LRIT3: variants seen among roughly 807,000 people sequenced by gnomAD.
LRIT3 encodes leucine rich repeat, Ig-like and transmembrane domains 3, also known as leucine-rich repeat, immunoglobulin-like domain and transmembrane domain-containing protein 3.
A neutral mutation model predicts 22.6 loss-of-function variants in LRIT3; 14 were observed. The observed-to-expected ratio is 0.62, with a 90% CI of 0.41 to 0.97. LRIT3 has a LOEUF of 0.97. Ranked by LOEUF, LRIT3 falls within the 50% of genes least tolerant of loss-of-function variation. LRIT3 has a pLI of 0.00. For synonymous variants in LRIT3, 306 were observed against 304.5 expected, an observed-to-expected ratio of 1.01 and a Z score of -0.05; for missense variants, 783 against 803.0, an observed-to-expected ratio of 0.98 and a Z score of 0.30.
rs1197499009 is a variant in LRIT3 at position 109,871,089 on chromosome 4, C to A, written c.*300C>A. On this transcript the variant is annotated 3_prime_UTR_variant, in exon 4 of 4. Coordinates refer to ENST00000594814, the MANE Select transcript of LRIT3 (RefSeq NM_198506.5). ...TAAAAATAAGTTCATGTGAAAGTAG[C>A]AAGTGAACTCTGTATTTAAAAATAT... 8.6e-6 allele frequency: 2 copies of A among 233,276 alleles called. No individual in the cohort carries two copies. The highest frequency in any genetic ancestry group is 1.6e-5 in the Non-Finnish European group (2 of 122,228). The allele number at this position is 233,276 out of a possible 1,614,324, so 14.5% of individuals were successfully genotyped here.
In LRIT3 at chr4:109,866,178, A is replaced by G. The variant is rs142296254; in HGVS notation, c.590-1463A>G. On this transcript the variant is annotated intron_variant, in intron 2 of 3. Transcript: ENST00000594814. Reference sequence around the variant, plus strand: ...ATATAGAATTTATGAACTAACAGTTACATTTCCAGCATGGTTAGAATTTGT... The same window carrying G: ...ATATAGAATTTATGAACTAACAGTTGCATTTCCAGCATGGTTAGAATTTGT... Among the ~76,000 whole-genome samples the G allele has an allele frequency of 2.8e-3, 425 of 152,216 alleles. 8 individuals are homozygous for G. The highest frequency in any genetic ancestry group is 9.8e-3 in the African/African-American group (407 of 41,466).
At position 109,867,700 on chromosome 4, in the gene LRIT3, A is replaced by G; in HGVS notation, c.649A>G (p.Lys217Glu). 6.2e-7 allele frequency: 1 copy of G among 1,614,194 alleles called. No homozygotes were observed. Among genetic ancestry groups the G allele is most frequent in the Non-Finnish European group, 8.5e-7 (1 of 1,180,002 alleles). The change falls in exon 3 of 4, where the codon AAG (lysine) becomes GAG (glutamate). Residue 217 changes from lysine to glutamate, a missense_variant. Physicochemically the swap from Lys to Glu is moderately conservative, Grantham distance 56. This residue lies in a region of LRIT3 where 756 missense variants were observed against 753.8 expected (regional missense o/e 1.00). Coordinates refer to ENST00000594814, the MANE Select transcript of LRIT3 (RefSeq NM_198506.5). The stretch of plus-strand genomic sequence containing the variant: ...TATTTCCAAAATGATTGAGTTGTCA[A>G]AGGTCGTTGACCCTGCTATAGTGCT... ...CHISKMIELSKVVDPAIVLLD... is the reference protein window; with the variant it reads ...CHISKMIELSEVVDPAIVLLD...
At chr4:109,864,857 T>C (rs1218421889) in intron 2 of LRIT3, among the ~76,000 whole-genome samples, 1 of 152,204 alleles carries the variant, frequency 6.6e-6, no homozygotes, top group Non-Finnish European at 1.5e-5. Context: ...TGGCTTCACT[T>C]TGTATGATAT....
rs1475170645 is a variant in LRIT3 at position 109,867,751 on chromosome 4, G to A, written c.700G>A (p.Glu234Lys). 3 of 1,614,160 alleles carry A rather than the reference G, an allele frequency of 1.9e-6. No individual in the cohort carries two copies. The Admixed American group carries it at 5.0e-5, about 27-fold the overall frequency. The change falls in exon 3 of 4, where the codon GAA becomes AAA. Residue 234 changes from glutamate (E) to lysine (K), a missense_variant. Coordinates refer to ENST00000594814, the MANE Select transcript of LRIT3 (RefSeq NM_198506.5). ...TCTGGATCCACTGATGACTTGCAGT[G>A]AACCTGAGCGCCTCACAGGAATTTT... ...VLLDPLMTCS[E>K]PERLTGILFQ...
chr4:109,849,757 C>G (rs910675468), intron 1 of LRIT3, among the ~76,000 whole-genome samples: 2 of 152,190 alleles, frequency 1.3e-5, no homozygotes, highest in Admixed American at 6.5e-5. Context: ...GGATTACAGG[C>G]GTGTGCCACC....
chr4:109,868,101 G>A (rs1009761476), intron 3 of LRIT3, among the ~76,000 whole-genome samples, 155 bp downstream of exon 3: 1 of 152,162 alleles, frequency 6.6e-6, no homozygotes, highest in African/African-American at 2.4e-5. Context: ...TTATTCATTA[G>A]TATTCTCCTC....
rs374648244 is a variant in LRIT3 at position 109,851,632 on chromosome 4, A to C, written c.245A>C (p.Glu82Ala). Residue 82 changes from glutamate to alanine, a missense_variant, in exon 2 of 4, where the codon GAG becomes GCG. Transcript: ENST00000594814. Reference sequence around the variant, plus strand: ...GCGGAGGCCTTCTATTACCTGGTGGAGCTCCAGTATCTCTGGGTGACTTAC... The same window carrying C: ...GCGGAGGCCTTCTATTACCTGGTGGCGCTCCAGTATCTCTGGGTGACTTAC... ...ISAEAFYYLV[E>A]LQYLWVTYNS... 2 of 1,551,590 alleles carry C rather than the reference A, an allele frequency of 1.3e-6. No individual in the cohort carries two copies. Among genetic ancestry groups the C allele is most frequent in the Non-Finnish European group, 1.7e-6 (2 of 1,147,014 alleles).
intron 2 of LRIT3, among the ~76,000 whole-genome samples, chr4:109,857,201 G>A (rs1187251229): frequency 6.6e-6 from 1 of 150,876 alleles, no homozygotes; most frequent in Non-Finnish European, 1.5e-5. Context: ...CAACTTTTAA[G>A]TGGTATAGTT....
In LRIT3 at chr4:109,867,702, G is replaced by T; in HGVS notation, c.651G>T (p.Lys217Asn). The change falls in exon 3 of 4, where the codon AAG becomes AAT. Residue 217 changes from lysine (K) to asparagine (N), a missense_variant. Around this residue, in one of 2 missense-constraint regions of LRIT3, gnomAD observed 756 missense variants for 753.8 expected, o/e 1.00. Coordinates refer to ENST00000594814, the MANE Select transcript of LRIT3 (RefSeq NM_198506.5). ...CHISKMIELS[K>N]VVDPAIVLLD... ...TTTCCAAAATGATTGAGTTGTCAAA[G>T]GTCGTTGACCCTGCTATAGTGCTTC... is the stretch of plus-strand genomic sequence containing the variant. The T allele has an allele frequency of 6.2e-7, 1 of 1,614,164 alleles. No homozygotes were observed. Among genetic ancestry groups the T allele is most frequent in the Non-Finnish European group, 8.5e-7 (1 of 1,179,992 alleles).
chr4:109,867,319 A>G (rs1734705768), intron 2 of LRIT3, among the ~76,000 whole-genome samples: 1 of 152,160 alleles, frequency 6.6e-6, no homozygotes, highest in African/African-American at 2.4e-5. Context: ...TCTTTAACAT[A>G]GGAATAATAA....
intron 2 of LRIT3, 55 bp from the exon 3 acceptor site, chr4:109,867,586 G>GAAA: frequency 1.5e-6 from 2 of 1,324,848 alleles, no homozygotes; most frequent in Non-Finnish European, 2.0e-6. Flanking sequence ...GAGGCAGGAT[G>GAAA]TAAACTGAAG....
chr4:109,856,075 A>T (rs1454264400), intron 2 of LRIT3, among the ~76,000 whole-genome samples: 3 of 152,150 alleles, frequency 2.0e-5, no homozygotes, highest in Non-Finnish European at 4.4e-5. Flanking sequence ...TTTCTGAGAT[A>T]GGAATCTTGG....
In LRIT3 at chr4:109,869,920, T is replaced by G; in HGVS notation, c.1171T>G (p.Phe391Val). The change falls in exon 4 of 4, where the codon TTC (phenylalanine) becomes GTC (valine). Residue 391 changes from phenylalanine (F) to valine (V), a missense_variant. Transcript: ENST00000594814. ...ATCATCATATCTTTGGTCCTCTTCC[T>G]TCTCCCCCACATCTTCTTTTTCTGC... ...SASSYLWSSS[F>V]SPTSSFSAST... 6.2e-7 allele frequency: 1 copy of G among 1,613,998 alleles called. No homozygotes were observed.
At chr4:109,859,924 G>C (rs1301838779) in intron 2 of LRIT3, among the ~76,000 whole-genome samples, 2 of 152,204 alleles carry the variant, frequency 1.3e-5, no homozygotes, top group Admixed American at 6.6e-5. Flanking sequence ...ATAGTTTCAA[G>C]GGGTCTCCCT....
chr4:109,870,073 T>C lies in LRIT3; in HGVS notation c.1324T>C (p.Phe442Leu). The C allele has an allele frequency of 1.9e-6, 3 of 1,614,168 alleles. No individual in the cohort carries two copies. The highest frequency in any genetic ancestry group is 2.5e-6 in the Non-Finnish European group (3 of 1,180,038). ...ASTTMANKRS[F>L]QLHQGGKRNL... ...TACCACCATGGCCAACAAGCGATCA[T>C]TCCAGCTCCACCAAGGTGGGAAAAG... The change falls in exon 4 of 4, where the codon TTC (phenylalanine) becomes CTC (leucine). Residue 442 changes from phenylalanine to leucine, a missense_variant. Physicochemically the swap from Phe to Leu is conservative, Grantham distance 22. This residue lies in a region of LRIT3 where 756 missense variants were observed against 753.8 expected (regional missense o/e 1.00). Transcript: ENST00000594814.
At chr4:109,865,247 T>G in intron 2 of LRIT3, 1 of 1,568,824 alleles carries the variant, frequency 6.4e-7, no homozygotes, top group Non-Finnish European at 8.7e-7. Context: ...TGGTTGAGCC[T>G]CATCAGGAAC....
chr4:109,859,371 T>C (rs1401309927), intron 2 of LRIT3, among the ~76,000 whole-genome samples: 1 of 152,184 alleles, frequency 6.6e-6, no homozygotes, highest in East Asian at 1.9e-4. Context: ...AAGTACAGTA[T>C]ACAGAGATAA....
intron 2 of LRIT3, among the ~76,000 whole-genome samples, chr4:109,857,152 T>C (rs991902680): frequency 1.4e-4 from 21 of 152,124 alleles, no homozygotes; most frequent in Admixed American, 5.9e-4. Flanking sequence ...TGAACTAATA[T>C]GCATCTTTCC....
At chr4:109,848,691 T>A (rs1269413864) in intron 1 of LRIT3, among the ~76,000 whole-genome samples, 1 of 152,206 alleles carries the variant, frequency 6.6e-6, no homozygotes, top group East Asian at 1.9e-4. Flanking sequence ...CTGCGTGACA[T>A]GCTCAGATCC....
Sources: allele counts gnomAD v4.1 joint callset (sites outside exome capture counted in the v4.1 genomes callset), GRCh38; gene constraint gnomAD v4.1.1; regional missense constraint gnomAD v4.1.1; transcripts MANE v1.5; gene names NCBI Gene and HGNC (gene_info 2026-07-23, HGNC 2026-07-21).